RNF8: variants seen among roughly 807,000 people sequenced by gnomAD.
RNF8 encodes E3 ubiquitin-protein ligase RNF8.
RNF8 carries 8 observed loss-of-function variants against 59.3 expected under a neutral mutation model. That is an observed-to-expected ratio of 0.13 (90% CI 0.08 to 0.24). The LOEUF is 0.24. Among genes scored for constraint, RNF8 ranks in the 10% least tolerant of loss-of-function variants. The pLI is 1.00. For missense variants in RNF8, 406 were observed against 572.6 expected (o/e 0.71, Z 2.97); for synonymous variants, 162 against 200.0 (o/e 0.81, Z 1.60).
At chr6:37,365,949 C>T (rs1201854308) in intron 2 of RNF8, among the ~76,000 whole-genome samples, 1 of 152,110 alleles carries the variant, frequency 6.6e-6, no homozygotes, top group African/African-American at 2.4e-5. Flanking sequence ...CTAGATGTCA[C>T]CAAGAAGTAA....
chr6:37,394,686 TG>T lies in RNF8; in HGVS notation c.*3932del, dbSNP rs1770813069. The T allele has an allele frequency of 6.6e-6, 1 of 152,206 alleles. No homozygotes were observed. Among genetic ancestry groups the T allele is most frequent in the Non-Finnish European group, 1.5e-5 (1 of 68,034 alleles). 9.4% of individuals were successfully genotyped at this position (152,206 alleles called of 1,614,324 possible). A position where few individuals can be genotyped will look rare whatever the true frequency, so the allele number is the denominator to read the frequency against. ...GTGAATACTTCAACCTGCTGTGATT[TG>T]GGGCCGTTTGTACTCTGCATGTATT... On this transcript the variant is annotated 3_prime_UTR_variant, in exon 8 of 8. Transcript: ENST00000373479.
intron 2 of RNF8, chr6:37,361,201 C>G: frequency 2.2e-6 from 1 of 454,138 alleles, no homozygotes; most frequent in South Asian, 1.6e-5. Context: ...TGTGGTGGCA[C>G]ATGCCTGTAG....
intron 2 of RNF8, among the ~76,000 whole-genome samples, chr6:37,366,789 C>G (rs1769571880): frequency 6.6e-6 from 1 of 152,186 alleles, no homozygotes; most frequent in East Asian, 1.9e-4. Context: ...TGAGCTTCAT[C>G]TCTGGCCTAT....
chr6:37,376,824 C>A, intron 5 of RNF8, 102 bp from the exon 6 acceptor site: 1 of 727,388 alleles, frequency 1.4e-6, no homozygotes, highest in Non-Finnish European at 2.5e-6. Flanking sequence ...ATGAATCACT[C>A]ATTAAGACTG....
intron 7 of RNF8, among the ~76,000 whole-genome samples, chr6:37,383,596 T>C (rs913348610): frequency 6.6e-6 from 1 of 152,208 alleles, no homozygotes; most frequent in Admixed American, 6.5e-5. Context: ...ACAGCCTCAC[T>C]TCTAGGCCTC....
intron 1 of RNF8, among the ~76,000 whole-genome samples, chr6:37,356,336 ATGG>A (rs199605517): frequency 0.069 from 10,501 of 152,224 alleles, 1,193 homozygotes; most frequent in African/African-American, 0.23. Flanking sequence ...ACTTATTGTT[ATGG>A]TCCCCAAATC....
intron 6 of RNF8, among the ~76,000 whole-genome samples, chr6:37,378,155 A>C (rs1056628155): frequency 6.6e-6 from 1 of 152,136 alleles, no homozygotes; most frequent in Non-Finnish European, 1.5e-5. Context: ...TTAGCCAGAC[A>C]TGGTGGTGTG....
At chr6:37,389,255 A>T (rs1039627149) in intron 7 of RNF8, among the ~76,000 whole-genome samples, 2 of 151,928 alleles carry the variant, frequency 1.3e-5, no homozygotes, top group African/African-American at 4.8e-5. Context: ...CAAGATAAGG[A>T]TGAAAAATTG....
At chr6:37,371,372 C>A in intron 3 of RNF8, 140 bp from the exon 4 acceptor site, 1 of 627,760 alleles carries the variant, frequency 1.6e-6, no homozygotes, top group Non-Finnish European at 2.8e-6. Context: ...TGAAGTAAAA[C>A]AGGAGATTTT....
Position 37,376,949 on chromosome 6 carries a change from A to C in RNF8, c.1152A>C (p.Ala384=). 1 of 1,613,368 alleles carries C rather than the reference A, an allele frequency of 6.2e-7. No homozygotes were observed. The change falls in exon 6 of 8, where the codon GCA becomes GCC. Residue 384 remains alanine, a synonymous_variant. Transcript: ENST00000373479. ...QTKEEKEKMQ[A]QKEEVLSHMN... ...AGGAAGAGAAGGAGAAGATGCAAGC[A>C]CAGAAGGAAGAAGTTCTTAGCCACA...
At chr6:37,361,676 G>A in intron 2 of RNF8, 2 of 288,528 alleles carry the variant, frequency 6.9e-6, no homozygotes, top group Non-Finnish European at 1.4e-5. Context: ...TAGAAGGGAG[G>A]GTATCCCACA....
In RNF8 at chr6:37,394,607, C is replaced by A. The variant is rs1313797313; in HGVS notation, c.*3849C>A. 2.0e-5 allele frequency: 3 copies of A among 152,158 alleles called. No homozygotes were observed. The highest frequency in any genetic ancestry group is 4.4e-5 in the Non-Finnish European group (3 of 68,036). The allele number at this position is 152,158 out of a possible 1,614,324, so 9.4% of individuals were successfully genotyped here. A position where few individuals can be genotyped will look rare whatever the true frequency, so the allele number is the denominator to read the frequency against. ...TGCTTTACTACATTCCAGATGCCCACCTCATCCAATTTCCAGAGCCACTAT... is the reference window on the plus strand; with the variant it reads ...TGCTTTACTACATTCCAGATGCCCAACTCATCCAATTTCCAGAGCCACTAT... On this transcript the variant is annotated 3_prime_UTR_variant, in exon 8 of 8. Transcript: ENST00000373479.
chr6:37,379,987 C>T lies in RNF8; in HGVS notation c.1237-1163C>T, dbSNP rs1770185909. Among the ~76,000 whole-genome samples, 3 of 152,182 alleles carry T rather than the reference C, an allele frequency of 2.0e-5. No individual in the cohort carries two copies. The South Asian group carries it at 6.2e-4, about 32-fold the overall frequency. Reference sequence around the variant, plus strand: ...GGAGTGCAGTAACGCCATCATGGCTCACTGCAGCCTCTAGCTCCCAGGCTC... The same window carrying T: ...GGAGTGCAGTAACGCCATCATGGCTTACTGCAGCCTCTAGCTCCCAGGCTC... On this transcript the variant is annotated intron_variant, in intron 6 of 7. Transcript: ENST00000373479.
chr6:37,393,983 T>C lies in RNF8; in HGVS notation c.*3225T>C, dbSNP rs1770794005. The C allele has an allele frequency of 6.6e-6, 1 of 152,230 alleles. No homozygotes were observed. 9.4% of individuals were successfully genotyped at this position (152,230 alleles called of 1,614,324 possible). ...CTGTGACTGGAATCTCTCCACCTCA[T>C]CGTATCTAAGGATAACCCAGAAACA... On this transcript the variant is annotated 3_prime_UTR_variant, in exon 8 of 8. Transcript: ENST00000373479.
intron 1 of RNF8, among the ~76,000 whole-genome samples, chr6:37,357,814 T>A (rs563068645): frequency 3.3e-5 from 5 of 152,376 alleles, no homozygotes; most frequent in Non-Finnish European, 7.3e-5. Context: ...AGGACTCATA[T>A]GCAAGACCTC....
At chr6:37,389,296 G>A (rs1053462347) in intron 7 of RNF8, among the ~76,000 whole-genome samples, 16 of 151,512 alleles carry the variant, frequency 1.1e-4, no homozygotes, top group Admixed American at 6.6e-5. Context: ...GTGGGATATC[G>A]GTGACTTTAT....
At chr6:37,383,648 A>G (rs1047401334) in intron 7 of RNF8, among the ~76,000 whole-genome samples, 3 of 152,166 alleles carry the variant, frequency 2.0e-5, no homozygotes, top group Non-Finnish European at 4.4e-5. Context: ...TGGGAGGAGT[A>G]GAGTCTCATG....
rs1344078067 is a variant in RNF8, at chr6:37,360,430, T to G, written c.112-16T>G. 2 of 1,594,618 alleles carry G rather than the reference T, an allele frequency of 1.3e-6. No homozygotes were observed. The highest frequency in any genetic ancestry group is 1.7e-6 in the Non-Finnish European group (2 of 1,179,528). ...CAATGACTGATGGTATTTCTTGCAT[T>G]GTTGTTGTCTCCCAGGTGACTGTAG... On this transcript the variant is annotated splice_polypyrimidine_tract_variant and intron_variant, in intron 1 of 7. Transcript: ENST00000373479. This position sits in a 1 kb window ranked among gnomAD's most constrained non-coding sequence, Gnocchi z 4.2.
chr6:37,357,315 G>C (rs1769158230), intron 1 of RNF8, among the ~76,000 whole-genome samples: 1 of 152,170 alleles, frequency 6.6e-6, no homozygotes, highest in Admixed American at 6.5e-5. Flanking sequence ...GTAGTACCAA[G>C]GTAAATTCTA....
Sources: gnomAD v4.1 joint callset for allele counts (sites outside exome capture counted in the v4.1 genomes callset) on GRCh38, gnomAD v4.1.1 for gene constraint, Gnocchi (gnomAD v3.1) non-coding constraint, MANE v1.5 for transcripts, NCBI Gene and HGNC (gene_info 2026-07-23, HGNC 2026-07-21) for gene names.